The following GTF2F2 variants were observed in gnomAD, a reference collection of about 807,000 sequenced individuals.
GTF2F2 encodes the protein general transcription factor IIF subunit 2.
Under a neutral mutation model 42.2 loss-of-function variants are expected in GTF2F2, and 23 were observed. The ratio of observed to expected loss-of-function variants is 0.55; its 90% CI spans 0.39 to 0.77. The LOEUF (loss-of-function observed/expected upper bound fraction) is 0.77. Among genes scored for constraint, GTF2F2 ranks in the 30% least tolerant of loss-of-function variants. The probability of loss-of-function intolerance (pLI) is 0.00; values close to 1 mark genes in which losing one functional copy is unlikely to be tolerated. For missense variants in GTF2F2, 261 were observed against 287.2 expected (o/e 0.91, Z 0.66); for synonymous variants, 105 against 100.8 (o/e 1.04, Z -0.25).
intron 1 of GTF2F2, among the ~76,000 whole-genome samples, chr13:45,125,351 C>T (rs1008131967): frequency 6.6e-6 from 1 of 151,424 alleles, no homozygotes; most frequent in Non-Finnish European, 1.5e-5. Context: ...GACGGAGTGT[C>T]GCTCTTTTGC....
At chr13:45,265,937 A>G (rs1876543030) in intron 6 of GTF2F2, among the ~76,000 whole-genome samples, 1 of 152,192 alleles carries the variant, frequency 6.6e-6, no homozygotes. Flanking sequence ...TGGCCCCTTC[A>G]ACAAGTTTCT....
rs796449614 is a variant in GTF2F2, at chr13:45,181,200, A to AAAC, written c.305-26222_305-26221insCAA. On this transcript the variant is annotated intron_variant, in intron 4 of 7. Transcript: ENST00000340473. ...AAAAAACAAACAAACAAAAAAAAAA[A>AAAC]AAACCAGAAAAACCAAAGGTGATAT... Among the ~76,000 whole-genome samples, 443 of 132,762 alleles carry AAAC rather than the reference A, an allele frequency of 3.3e-3. 17 individuals carry two copies. Among genetic ancestry groups the AAAC allele is most frequent in the African/African-American group, 4.2e-3 (149 of 35,160 alleles). 87.1% of individuals were successfully genotyped at this position (132,762 alleles called of 152,430 possible).
intron 4 of GTF2F2, among the ~76,000 whole-genome samples, chr13:45,191,812 AAATG>A (rs1408037397): frequency 3.9e-5 from 6 of 152,166 alleles, no homozygotes; most frequent in African/African-American, 7.2e-5. Flanking sequence ...TGCTACATAA[AAATG>A]AATCTGATAT....
At chr13:45,263,466 G>A (rs1876431155) in intron 6 of GTF2F2, among the ~76,000 whole-genome samples, 1 of 152,070 alleles carries the variant, frequency 6.6e-6, no homozygotes, top group South Asian at 2.1e-4. Flanking sequence ...CTGACCTCGT[G>A]ATCTGCCCAC....
At chr13:45,255,820 G>A (rs1876079870) in intron 6 of GTF2F2, among the ~76,000 whole-genome samples, 1 of 152,040 alleles carries the variant, frequency 6.6e-6, no homozygotes, top group Admixed American at 6.6e-5. Flanking sequence ...CTACCCTTGT[G>A]TATATTTTTA....
In GTF2F2 at chr13:45,189,239, T is replaced by C. The variant is rs138279981; in HGVS notation, c.305-18185T>C. ...CCTGCAAAGGACATCAACTTACCCC[T>C]TTTTTTTGGCTGCATAATATTCCAT... On this transcript the variant is annotated intron_variant, in intron 4 of 7. Transcript: ENST00000340473. Among the ~76,000 whole-genome samples the C allele has an allele frequency of 5.3e-3, 805 of 150,748 alleles. 5 individuals are homozygous for C. The highest frequency in any genetic ancestry group is 0.019 in the African/African-American group (775 of 41,074).
chr13:45,230,749 G>T (rs1430750280), intron 5 of GTF2F2, among the ~76,000 whole-genome samples: 1 of 152,156 alleles, frequency 6.6e-6, no homozygotes, highest in Non-Finnish European at 1.5e-5. Flanking sequence ...TTTTATTTAT[G>T]TGGCATTGTA....
chr13:45,143,322 A>G (rs1438835118), intron 2 of GTF2F2, among the ~76,000 whole-genome samples: 1 of 152,226 alleles, frequency 6.6e-6, no homozygotes, highest in Non-Finnish European at 1.5e-5. Context: ...CTAAGATTTT[A>G]GAAAGGCAGT....
chr13:45,151,905 TA>T, intron 4 of GTF2F2, 74 bp downstream of exon 4: 1 of 488,334 alleles, frequency 2.0e-6, no homozygotes, highest in Non-Finnish European at 3.5e-6. Context: ...CATACACTCC[TA>T]TTTGCTTTTT....
intron 7 of GTF2F2, among the ~76,000 whole-genome samples, chr13:45,272,085 T>C (rs1220240322): frequency 2.7e-5 from 4 of 149,572 alleles, no homozygotes; most frequent in Non-Finnish European, 5.9e-5. Flanking sequence ...TTTATATTTT[T>C]ATATTTTAAA....
chr13:45,167,416 T>TTTTTTTG (rs1871346629), intron 4 of GTF2F2, among the ~76,000 whole-genome samples: 1 of 146,712 alleles, frequency 6.8e-6, no homozygotes, highest in Non-Finnish European at 1.5e-5. Context: ...TTTTTTTTTT[T>TTTTTTTG]GAGATAGAGC....
chr13:45,124,621 A>G (rs148440986), intron 1 of GTF2F2, among the ~76,000 whole-genome samples: 34 of 151,756 alleles, frequency 2.2e-4, no homozygotes, highest in Non-Finnish European at 4.1e-4. Flanking sequence ...CTGGTGTGCA[A>G]TGGCACAATC....
chr13:45,240,709 T>C (rs550762609), intron 5 of GTF2F2, among the ~76,000 whole-genome samples: 1 of 151,982 alleles, frequency 6.6e-6, no homozygotes, highest in East Asian at 1.9e-4. Context: ...GCGCCTGTAA[T>C]CCCAGCTACT....
At chr13:45,127,696 G>A (rs948534088) in intron 1 of GTF2F2, among the ~76,000 whole-genome samples, 1 of 151,852 alleles carries the variant, frequency 6.6e-6, no homozygotes, top group Non-Finnish European at 1.5e-5. Context: ...GCAGTAGCAC[G>A]ATCTTGGCTC....
chr13:45,213,037 C>A (rs141643678), intron 5 of GTF2F2, among the ~76,000 whole-genome samples: 1 of 151,674 alleles, frequency 6.6e-6, no homozygotes, highest in African/African-American at 2.4e-5. Flanking sequence ...CCACCATGCC[C>A]GGCTAATTTT....
intron 5 of GTF2F2, among the ~76,000 whole-genome samples, chr13:45,248,409 G>GT (rs954119636): frequency 3.4e-4 from 51 of 151,562 alleles, no homozygotes; most frequent in African/African-American, 1.2e-3. Flanking sequence ...TTTTTTTTGT[G>GT]TTTTTTTGTT....
In GTF2F2 at chr13:45,147,474, G is replaced by T. The variant is rs116144812; in HGVS notation, c.141-2296G>T. The stretch of plus-strand genomic sequence containing the variant: ...CAGGAGTGCTAGAGAGGGGACTGTG[G>T]TGAATTTAGTGCCTGCCTCAAAATG... On this transcript the variant is annotated intron_variant, in intron 2 of 7. Transcript: ENST00000340473. Among the ~76,000 whole-genome samples the T allele has an allele frequency of 1.8e-3, 269 of 152,324 alleles. 1 individual carries two copies. The highest frequency in any genetic ancestry group is 6.0e-3 in the African/African-American group (250 of 41,572).
At chr13:45,136,170 G>A (rs79454381) in intron 1 of GTF2F2, among the ~76,000 whole-genome samples, 6,570 of 152,266 alleles carry the variant, frequency 0.043, 431 homozygotes, top group African/African-American at 0.14. Flanking sequence ...GGGGGTAATA[G>A]TACCTGTTCC....
At chr13:45,120,937 A>G (rs1868598367) in intron 1 of GTF2F2, among the ~76,000 whole-genome samples, 1 of 152,124 alleles carries the variant, frequency 6.6e-6, no homozygotes, top group Non-Finnish European at 1.5e-5. Flanking sequence ...TACTACTCTG[A>G]ATCTGCCTGG....
Sources: allele counts gnomAD v4.1 joint callset (sites outside exome capture counted in the v4.1 genomes callset), GRCh38; gene constraint gnomAD v4.1.1; transcripts MANE v1.5; gene names NCBI Gene and HGNC (gene_info 2026-07-23, HGNC 2026-07-21).